Variants in SAXO1 observed in about 807,000 individuals in gnomAD.
SAXO1 encodes stabilizer of axonemal microtubules 1.
SAXO1 carries 21 observed loss-of-function variants against 17.5 expected under a neutral mutation model. The observed-to-expected ratio is 1.20, with a 90% CI of 0.85 to 1.72. The LOEUF is 1.72. Ranked by LOEUF, SAXO1 falls within the 40% of genes most tolerant of loss-of-function variation. SAXO1 has a pLI of 0.00. For synonymous variants in SAXO1, 274 were observed against 216.5 expected (o/e 1.27, Z -2.33); for missense variants, 843 against 596.0 (o/e 1.41, Z -4.32).
At chr9:18,992,536 T>C (rs1245624040) in intron 1 of SAXO1, among the ~76,000 whole-genome samples, 1 of 152,168 alleles carries the variant, frequency 6.6e-6, no homozygotes. Context: ...GCATTAGGAC[T>C]TCAAAATCTT....
chr9:18,990,859 A>C (rs961832105), intron 1 of SAXO1, among the ~76,000 whole-genome samples: 1 of 152,168 alleles, frequency 6.6e-6, no homozygotes, highest in African/African-American at 2.4e-5. Flanking sequence ...TCATCCCTAG[A>C]ATGGGACCAC....
intron 1 of SAXO1, among the ~76,000 whole-genome samples, chr9:19,017,547 G>C (rs967549061): frequency 1.3e-5 from 2 of 152,214 alleles, no homozygotes; most frequent in East Asian, 3.9e-4. Flanking sequence ...AGTCTCTGCA[G>C]AGTGATTTGG....
intron 1 of SAXO1, chr9:19,028,190 A>C: frequency 8.0e-7 from 1 of 1,242,522 alleles, no homozygotes; most frequent in East Asian, 2.4e-5. Flanking sequence ...AAGATGGTTT[A>C]GAGGCAAAAT....
chr9:19,000,363 C>T (rs2130955403), intron 1 of SAXO1, among the ~76,000 whole-genome samples: 1 of 151,578 alleles, frequency 6.6e-6, no homozygotes, highest in East Asian at 2.0e-4. Flanking sequence ...AGCCCCTCTG[C>T]CCGGCCACCC....
chr9:18,970,696 C>T (rs143039147), intron 1 of SAXO1, among the ~76,000 whole-genome samples: 270 of 152,290 alleles, frequency 1.8e-3, no homozygotes, highest in African/African-American at 6.2e-3. Context: ...ATTCCTGGAA[C>T]AGTTGCATTT....
At chr9:19,043,296 A>C (rs1836122335) in intron 1 of SAXO1, among the ~76,000 whole-genome samples, 1 of 152,262 alleles carries the variant, frequency 6.6e-6, no homozygotes, top group Admixed American at 6.5e-5. Flanking sequence ...AGCCAGGCAC[A>C]GAAAGACAAA....
chr9:19,011,053 C>A (rs1377409306), intron 1 of SAXO1, among the ~76,000 whole-genome samples: 2 of 152,148 alleles, frequency 1.3e-5, no homozygotes, highest in Non-Finnish European at 1.5e-5. Flanking sequence ...ACTACAGTAT[C>A]CTGCATTGCT....
At chr9:18,991,737 A>G (rs1833824741) in intron 1 of SAXO1, among the ~76,000 whole-genome samples, 1 of 152,198 alleles carries the variant, frequency 6.6e-6, no homozygotes, top group Non-Finnish European at 1.5e-5. Context: ...AAAATAAAAA[A>G]GTGCACAATA....
At chr9:18,999,803 C>T (rs1834176894) in intron 1 of SAXO1, among the ~76,000 whole-genome samples, 2 of 147,484 alleles carry the variant, frequency 1.4e-5, no homozygotes, top group Admixed American at 6.7e-5. Context: ...AGCACCTCTG[C>T]CCGGCTGTCC....
At chr9:18,957,486 A>T (rs1296933308) in intron 1 of SAXO1, among the ~76,000 whole-genome samples, 1 of 151,952 alleles carries the variant, frequency 6.6e-6, no homozygotes, top group Non-Finnish European at 1.5e-5. Context: ...CCAATTTCAA[A>T]CCCAAAGTTC....
At chr9:18,953,773 C>T (rs897806192) in intron 1 of SAXO1, among the ~76,000 whole-genome samples, 5 of 152,022 alleles carry the variant, frequency 3.3e-5, no homozygotes, top group Admixed American at 6.6e-5. Flanking sequence ...ATATTATATA[C>T]GTATTTAATA....
At chr9:18,958,286 T>A (rs1035651486) in intron 1 of SAXO1, among the ~76,000 whole-genome samples, 2 of 151,944 alleles carry the variant, frequency 1.3e-5, no homozygotes, top group Non-Finnish European at 2.9e-5. Context: ...TAGCCAGGTG[T>A]GATGGTGGGC....
At chr9:19,027,443 C>T (rs1409555912) in intron 1 of SAXO1, 1 of 760,888 alleles carries the variant, frequency 1.3e-6, no homozygotes, top group Non-Finnish European at 2.4e-6. Flanking sequence ...CTGGTGGAGG[C>T]CACTGTCTTG....
At chr9:18,943,863 T>G (rs749622340) in intron 2 of SAXO1, among the ~76,000 whole-genome samples, 20 of 152,206 alleles carry the variant, frequency 1.3e-4, no homozygotes, top group Non-Finnish European at 2.2e-4. Flanking sequence ...AGGCTGCCAC[T>G]CTCAGGGACC....
intron 1 of SAXO1, among the ~76,000 whole-genome samples, chr9:19,000,062 G>A (rs1834190023): frequency 6.8e-6 from 1 of 147,900 alleles, no homozygotes; most frequent in African/African-American, 2.5e-5. Context: ...CACAACATCT[G>A]GGAAGTGAGG....
intron 1 of SAXO1, among the ~76,000 whole-genome samples, chr9:18,992,371 T>C (rs910969007): frequency 5.3e-5 from 8 of 152,228 alleles, no homozygotes; most frequent in Non-Finnish European, 1.0e-4. Flanking sequence ...CTTCACATTG[T>C]CTTCCCTCTG....
chr9:19,024,180 T>C lies in SAXO1; in HGVS notation c.38+8691A>G, dbSNP rs181830452. On this transcript the variant is annotated intron_variant, in intron 1 of 3. Coordinates refer to ENST00000380534, the MANE Select transcript of SAXO1 (RefSeq NM_153707.4). ...CCAGCAAGCTTCCGGCACGATCTCC[T>C]GCAGGCTCAAGTACTCAGGCAGACA... Among the ~76,000 whole-genome samples, 5 of 152,022 alleles carry C rather than the reference T, an allele frequency of 3.3e-5. No homozygotes were observed. In the East Asian group the frequency reaches 9.7e-4, roughly 30 times the overall value.
Position 18,993,414 on chromosome 9 carries a change from G to A in SAXO1, c.38+39457C>T, listed in dbSNP as rs551446926. On this transcript the variant is annotated intron_variant, in intron 1 of 3. Coordinates refer to ENST00000380534, the MANE Select transcript of SAXO1 (RefSeq NM_153707.4). Reference sequence around the variant, plus strand: ...ATGCTTGCTATGTGGCCAGCACTGCGCTAATCCTGCAGAAGCTACAGGACT... The same window carrying A: ...ATGCTTGCTATGTGGCCAGCACTGCACTAATCCTGCAGAAGCTACAGGACT... Among the ~76,000 whole-genome samples the A allele has an allele frequency of 3.6e-4, 55 of 152,178 alleles. 4 individuals carry two copies. In the South Asian group the frequency reaches 0.011, roughly 29 times the overall value.
intron 2 of SAXO1, among the ~76,000 whole-genome samples, chr9:18,950,471 T>G (rs1375128503): frequency 6.6e-6 from 1 of 152,200 alleles, no homozygotes; most frequent in Non-Finnish European, 1.5e-5. Context: ...AATATTTTTC[T>G]TAACCTCCAA....
Sources: gnomAD v4.1 joint callset for allele counts (sites outside exome capture counted in the v4.1 genomes callset) on GRCh38, gnomAD v4.1.1 for gene constraint, MANE v1.5 for transcripts, NCBI Gene and HGNC (gene_info 2026-07-23, HGNC 2026-07-21) for gene names.